The following RELN variants were observed in gnomAD, a reference collection of about 807,000 sequenced individuals.
The protein encoded by RELN is reelin.
A neutral mutation model predicts 427.6 loss-of-function variants in RELN; 108 were observed. The ratio of observed to expected loss-of-function variants is 0.25; its 90% CI spans 0.22 to 0.30. The LOEUF is 0.30. Among genes scored for constraint, RELN ranks in the 10% least tolerant of loss-of-function variants. The probability of loss-of-function intolerance (pLI) is 1.00; values close to 1 mark genes in which losing one functional copy is unlikely to be tolerated. For missense variants in RELN, 3,715 were observed against 4,302.8 expected (o/e 0.86, Z 3.82); for synonymous variants, 1,524 against 1,513.4 (o/e 1.01, Z -0.16).
At chr7:103,580,108 A>G (rs1831096607) in intron 28 of RELN, among the ~76,000 whole-genome samples, 1 of 152,264 alleles carries the variant, frequency 6.6e-6, no homozygotes, top group African/African-American at 2.4e-5. Context: ...AAATCAGCTT[A>G]GACCTATTTC....
chr7:103,969,808 C>T (rs115851486), intron 1 of RELN, among the ~76,000 whole-genome samples: 1,989 of 152,272 alleles, frequency 0.013, 51 homozygotes, highest in African/African-American at 0.045. Context: ...TATATTATAT[C>T]TCATTTATTA....
intron 48 of RELN, among the ~76,000 whole-genome samples, chr7:103,520,422 T>G (rs372983419): frequency 3.3e-5 from 5 of 152,002 alleles, no homozygotes; most frequent in South Asian, 2.1e-4. Flanking sequence ...ACCACAGTTG[T>G]GTGCTACCAC....
At chr7:103,918,487 G>T (rs1795538169) in intron 1 of RELN, among the ~76,000 whole-genome samples, 1 of 152,100 alleles carries the variant, frequency 6.6e-6, no homozygotes, top group Non-Finnish European at 1.5e-5. Context: ...GTCTACATGG[G>T]TTATTTCCTG....
rs745587949 is a variant in RELN, at chr7:103,593,706, T to A, written c.3888A>T (p.Lys1296Asn). 2.5e-6 allele frequency: 4 copies of A among 1,613,918 alleles called. No individual in the cohort carries two copies. The Admixed American group carries it at 6.7e-5, about 27-fold the overall frequency. The change falls in exon 27 of 65, where the codon AAA (lysine) becomes AAT (asparagine). Residue 1296 changes from lysine (K) to asparagine (N), a missense_variant. Lys to Asn is a moderately conservative substitution (Grantham distance 94). This residue lies in a region of RELN where 2,208 missense variants were observed against 2,361.7 expected (regional missense o/e 0.93). Transcript: ENST00000428762. ...CCTTGAACTGTAGCACATATCCAGG[T>A]TTCAGGGTCAAATCTCGAGTTACTG... ...RFAVTRDLTL[K>N]PGYVLQFKLN...
intron 20 of RELN, among the ~76,000 whole-genome samples, chr7:103,625,387 C>T (rs1832307540): frequency 6.6e-6 from 1 of 152,178 alleles, no homozygotes; most frequent in Non-Finnish European, 1.5e-5. Flanking sequence ...TACAATAAAG[C>T]TTTTATTTAA....
At chr7:103,867,961 G>A (rs1037526512) in intron 2 of RELN, among the ~76,000 whole-genome samples, 3 of 152,002 alleles carry the variant, frequency 2.0e-5, no homozygotes, top group Non-Finnish European at 2.9e-5. Flanking sequence ...CCTTTTCAAA[G>A]TCTTTTTTCC....
At chr7:103,675,067 T>C (rs1008248958) in intron 11 of RELN, among the ~76,000 whole-genome samples, 5 of 152,172 alleles carry the variant, frequency 3.3e-5, no homozygotes, top group Non-Finnish European at 5.9e-5. Flanking sequence ...AAATAAAGTG[T>C]ATTCAACTAG....
chr7:103,903,326 C>T lies in RELN; in HGVS notation c.337+13749G>A, dbSNP rs78632809. 7.1e-3 allele frequency among the ~76,000 whole-genome samples: 1,074 copies of T among 150,884 alleles called. 14 individuals are homozygous for T. The highest frequency in any genetic ancestry group is 0.054 in the East Asian group (275 of 5,114). ...TTAAGAAAGAGAGAGAAAAGTATTC[C>T]TGATTCTGTTTTTATCTGGTGAGGG... On this transcript the variant is annotated intron_variant, in intron 2 of 64. Transcript: ENST00000428762.
chr7:103,668,616 A>G (rs1833322937), intron 11 of RELN, among the ~76,000 whole-genome samples: 1 of 152,228 alleles, frequency 6.6e-6, no homozygotes, highest in African/African-American at 2.4e-5. Flanking sequence ...GGACAAAAAT[A>G]TTAGAAAATT....
intron 2 of RELN, among the ~76,000 whole-genome samples, chr7:103,841,641 G>A: frequency 6.6e-6 from 1 of 152,054 alleles, no homozygotes; most frequent in East Asian, 1.9e-4. Context: ...ATACTTTTCT[G>A]TGCTTTTAAT....
chr7:103,477,321 G>A (rs557489760), intron 64 of RELN, among the ~76,000 whole-genome samples: 4 of 152,244 alleles, frequency 2.6e-5, no homozygotes, highest in East Asian at 1.9e-4. Context: ...TTTTTTAATG[G>A]ATTCTAAAGG....
intron 8 of RELN, among the ~76,000 whole-genome samples, chr7:103,709,940 T>C (rs967841678): frequency 6.6e-6 from 1 of 152,088 alleles, no homozygotes; most frequent in East Asian, 1.9e-4. Context: ...GAAGATAAGA[T>C]GTAATCAGAA....
At chr7:103,785,992 T>A (rs1275417505) in intron 3 of RELN, among the ~76,000 whole-genome samples, 1 of 151,988 alleles carries the variant, frequency 6.6e-6, no homozygotes, top group Non-Finnish European at 1.5e-5. Flanking sequence ...ATAAGGGATA[T>A]GATTTCTAAC....
rs563661930 is a variant in RELN at position 103,502,280 on chromosome 7, A to G, written c.8489+736T>C. 2.0e-5 allele frequency among the ~76,000 whole-genome samples: 3 copies of G among 152,298 alleles called. No homozygotes were observed. In the East Asian group the frequency reaches 5.8e-4, roughly 29 times the overall value. On this transcript the variant is annotated intron_variant, in intron 52 of 64. Coordinates refer to ENST00000428762, the MANE Select transcript of RELN (RefSeq NM_005045.4). ...CTGAGTGGTAATAATAATAATAATAATATCTATGGGACACTGGGAACTGTG... is the reference window on the plus strand; with the variant it reads ...CTGAGTGGTAATAATAATAATAATAGTATCTATGGGACACTGGGAACTGTG...
chr7:103,872,859 C>T (rs1794382848), intron 2 of RELN, among the ~76,000 whole-genome samples: 1 of 150,468 alleles, frequency 6.6e-6, no homozygotes, highest in South Asian at 2.2e-4. Context: ...GCATAAATGT[C>T]TTCTTTTGAG....
intron 23 of RELN, 21 bp downstream of exon 23, chr7:103,604,325 C>T (rs777680699): frequency 6.2e-6 from 10 of 1,613,450 alleles, no homozygotes; most frequent in Non-Finnish European, 8.5e-6. Context: ...TGGACCTCAT[C>T]GTGCTTTCTG....
chr7:103,820,680 G>A (rs1792991902), intron 3 of RELN, among the ~76,000 whole-genome samples: 1 of 152,122 alleles, frequency 6.6e-6, no homozygotes, highest in South Asian at 2.1e-4. Flanking sequence ...CCATGGAAAT[G>A]CACAAGACAT....
intron 22 of RELN, among the ~76,000 whole-genome samples, chr7:103,609,701 T>C (rs1831903355): frequency 6.6e-6 from 1 of 152,216 alleles, no homozygotes; most frequent in Admixed American, 6.5e-5. Context: ...AAAATAACTC[T>C]AGGTTGGTAT....
intron 2 of RELN, among the ~76,000 whole-genome samples, chr7:103,879,172 T>C (rs1408752859): frequency 1.3e-5 from 2 of 152,204 alleles, no homozygotes; most frequent in Admixed American, 6.5e-5. Context: ...GTTAATTACC[T>C]GTATGATTTT....
Sources: allele counts gnomAD v4.1 joint callset (sites outside exome capture counted in the v4.1 genomes callset), GRCh38; gene constraint gnomAD v4.1.1; regional missense constraint gnomAD v4.1.1; transcripts MANE v1.5; gene names NCBI Gene and HGNC (gene_info 2026-07-23, HGNC 2026-07-21).